ZCWPW2: variants seen among roughly 807,000 people sequenced by gnomAD.
ZCWPW2 encodes the protein zinc finger CW-type and PWWP domain containing 2.
In ZCWPW2, 45 loss-of-function variants were observed where a neutral mutation model predicts 46.6. That is an observed-to-expected ratio of 0.96 (90% CI 0.76 to 1.24). ZCWPW2 has a LOEUF of 1.24. ZCWPW2 is among the 50% of genes most tolerant of loss of function. The pLI is 0.00. For synonymous variants in ZCWPW2, 152 were observed against 137.1 expected, an observed-to-expected ratio of 1.11 and a Z score of -0.76; for missense variants, 429 against 403.9, an observed-to-expected ratio of 1.06 and a Z score of -0.53.
intron 5 of ZCWPW2, among the ~76,000 whole-genome samples, chr3:28,483,850 A>G (rs1350209387): frequency 6.6e-6 from 1 of 152,192 alleles, no homozygotes; most frequent in Non-Finnish European, 1.5e-5. Context: ...CAACCTTGCT[A>G]TAATCTATTA....
At chr3:28,455,787 A>G (rs561282546) in intron 4 of ZCWPW2, among the ~76,000 whole-genome samples, 2 of 152,196 alleles carry the variant, frequency 1.3e-5, no homozygotes, top group Admixed American at 1.3e-4. Context: ...TTAAGATCAG[A>G]TAACTTAGAT....
At chr3:28,390,070 CT>C (rs1695424510) in intron 1 of ZCWPW2, among the ~76,000 whole-genome samples, 1 of 152,122 alleles carries the variant, frequency 6.6e-6, no homozygotes, top group African/African-American at 2.4e-5. Flanking sequence ...TAAAATTAAC[CT>C]TTTTTGACAT....
chr3:28,395,980 A>C (rs966846651), intron 2 of ZCWPW2, among the ~76,000 whole-genome samples: 13 of 152,160 alleles, frequency 8.5e-5, no homozygotes, highest in African/African-American at 2.4e-4. Flanking sequence ...ATCTATGTCA[A>C]AACATCATGT....
At chr3:28,359,899 G>C (rs1460392408) in intron 1 of ZCWPW2, among the ~76,000 whole-genome samples, 7 of 151,880 alleles carry the variant, frequency 4.6e-5, no homozygotes, top group Non-Finnish European at 1.0e-4. Flanking sequence ...ATTTCATTTG[G>C]TCACTTCTCA....
At chr3:28,496,098 T>C (rs1274044033) in intron 6 of ZCWPW2, among the ~76,000 whole-genome samples, 1 of 151,962 alleles carries the variant, frequency 6.6e-6, no homozygotes, top group African/African-American at 2.4e-5. Context: ...AATAGACAAA[T>C]TAAATGGTTC....
intron 2 of ZCWPW2, among the ~76,000 whole-genome samples, chr3:28,396,694 A>T (rs946615125): frequency 6.6e-6 from 1 of 152,238 alleles, no homozygotes; most frequent in African/African-American, 2.4e-5. Context: ...TAACCAAAGT[A>T]TTGTAGAGCG....
chr3:28,378,043 A>G (rs994351303), intron 1 of ZCWPW2, among the ~76,000 whole-genome samples: 1 of 152,078 alleles, frequency 6.6e-6, no homozygotes, highest in Non-Finnish European at 1.5e-5. Flanking sequence ...TTATTACAAA[A>G]GAAGATCTTT....
chr3:28,432,591 T>C (rs988314124), intron 3 of ZCWPW2, among the ~76,000 whole-genome samples: 2 of 152,196 alleles, frequency 1.3e-5, no homozygotes, highest in African/African-American at 4.8e-5. Context: ...GATTGGTTAA[T>C]TTTTTAACAC....
intron 1 of ZCWPW2, among the ~76,000 whole-genome samples, chr3:28,376,993 AGT>A (rs1705519485): frequency 6.6e-6 from 1 of 152,040 alleles, no homozygotes; most frequent in Non-Finnish European, 1.5e-5. Context: ...TTTATTCCTT[AGT>A]TATGTATTTA....
intron 6 of ZCWPW2, among the ~76,000 whole-genome samples, chr3:28,510,508 C>T (rs933427545): frequency 3.9e-5 from 6 of 152,206 alleles, no homozygotes; most frequent in African/African-American, 1.4e-4. Flanking sequence ...TAATGTTGAG[C>T]ACTTAATTTA....
chr3:28,373,424 T>C (rs1296222395), intron 1 of ZCWPW2, among the ~76,000 whole-genome samples: 2 of 152,160 alleles, frequency 1.3e-5, no homozygotes, highest in South Asian at 2.1e-4. Context: ...TGAGCCTTTT[T>C]TCATATACCT....
chr3:28,390,648 T>C, intron 2 of ZCWPW2, 31 bp downstream of exon 2: 1 of 985,384 alleles, frequency 1.0e-6, no homozygotes, highest in Non-Finnish European at 1.2e-6. Context: ...AAAATGTTTT[T>C]CTCTAGTACA....
At chr3:28,410,103 T>C (rs1399168517) in intron 2 of ZCWPW2, among the ~76,000 whole-genome samples, 1 of 152,080 alleles carries the variant, frequency 6.6e-6, no homozygotes, top group Non-Finnish European at 1.5e-5. Context: ...AACTAGTAGA[T>C]TGGCAAAGAA....
intron 2 of ZCWPW2, among the ~76,000 whole-genome samples, chr3:28,410,930 A>G (rs1224107916): frequency 6.6e-6 from 1 of 152,014 alleles, no homozygotes; most frequent in Non-Finnish European, 1.5e-5. Context: ...AGACAAATGT[A>G]GTAGATATAC....
chr3:28,449,298 A>T (rs1244105514), intron 4 of ZCWPW2, among the ~76,000 whole-genome samples: 1 of 152,224 alleles, frequency 6.6e-6, no homozygotes, highest in Non-Finnish European at 1.5e-5. Flanking sequence ...AAGAAAACAC[A>T]GGACAATAAC....
intron 2 of ZCWPW2, among the ~76,000 whole-genome samples, chr3:28,395,285 C>A (rs1161391069): frequency 6.6e-6 from 1 of 152,030 alleles, no homozygotes; most frequent in Non-Finnish European, 1.5e-5. Flanking sequence ...GGATTGGCAT[C>A]CTTTTGCACT....
chr3:28,385,863 T>G (rs1441766535), intron 1 of ZCWPW2, among the ~76,000 whole-genome samples: 1 of 152,202 alleles, frequency 6.6e-6, no homozygotes, highest in Non-Finnish European at 1.5e-5. Flanking sequence ...AAAATCTACT[T>G]TCCTAAGTGA....
intron 5 of ZCWPW2, 110 bp downstream of exon 5, chr3:28,479,041 G>A: frequency 1.5e-6 from 1 of 646,414 alleles, no homozygotes; most frequent in Non-Finnish European, 2.6e-6. Flanking sequence ...TCTTCATAGG[G>A]AAATAGTATA....
chr3:28,425,913 C>A (rs975730410), intron 3 of ZCWPW2, among the ~76,000 whole-genome samples: 2 of 151,982 alleles, frequency 1.3e-5, no homozygotes, highest in Non-Finnish European at 2.9e-5. Flanking sequence ...AGTTCGAGAC[C>A]AACCTGACCA....
Sources: gnomAD v4.1 joint callset for allele counts (sites outside exome capture counted in the v4.1 genomes callset) on GRCh38, gnomAD v4.1.1 for gene constraint, MANE v1.5 for transcripts, NCBI Gene and HGNC (gene_info 2026-07-23, HGNC 2026-07-21) for gene names.